Variants in DCDC2C observed in about 807,000 individuals in gnomAD.
The protein encoded by DCDC2C is doublecortin domain-containing protein 2C.
In DCDC2C, 44 loss-of-function variants were observed where a neutral mutation model predicts 45.0. The ratio of observed to expected loss-of-function variants is 0.98; its 90% CI spans 0.77 to 1.26. The LOEUF (loss-of-function observed/expected upper bound fraction) is 1.26. Ranked by LOEUF, DCDC2C falls within the 50% of genes most tolerant of loss-of-function variation. The pLI, the probability that DCDC2C is intolerant of heterozygous loss-of-function variation, is 0.00. For missense variants in DCDC2C, 447 were observed against 468.9 expected, an observed-to-expected ratio of 0.95 and a Z score of 0.43; for synonymous variants, 187 against 178.8, an observed-to-expected ratio of 1.05 and a Z score of -0.37.
chr2:3,812,731 C>T (rs952435693), intron 10 of DCDC2C, among the ~76,000 whole-genome samples: 5 of 152,020 alleles, frequency 3.3e-5, no homozygotes, highest in African/African-American at 1.2e-4. Flanking sequence ...TATAAATTTC[C>T]CTCTTAACAC....
rs181265599 is a variant in DCDC2C at position 3,723,755 on chromosome 2, C to T, written c.340-3248C>T. 1.8e-3 allele frequency among the ~76,000 whole-genome samples: 276 copies of T among 152,176 alleles called. 1 individual carries two copies. The highest frequency in any genetic ancestry group is 2.9e-3 in the Non-Finnish European group (195 of 68,012). On this transcript the variant is annotated intron_variant, in intron 2 of 10. Coordinates refer to ENST00000399143, the MANE Select transcript of DCDC2C (RefSeq NM_001287444.2). ...TGGTGTGGCTTTGAAGTGGAGCTGA[C>T]GGATGCGCAGATGGCATAAAGGATG...
chr2:3,790,962 G>C (rs1018943518), intron 10 of DCDC2C, among the ~76,000 whole-genome samples: 1 of 152,002 alleles, frequency 6.6e-6, no homozygotes, highest in African/African-American at 2.4e-5. Flanking sequence ...TAAAAAAAAT[G>C]AGCCAGGCGT....
rs1019071844 is a variant in DCDC2C, at chr2:3,845,718, T to G, written c.1066-1436T>G. Among the ~76,000 whole-genome samples the G allele has an allele frequency of 4.6e-5, 7 of 152,350 alleles. No individual in the cohort carries two copies. In the South Asian group the frequency reaches 1.0e-3, roughly 23 times the overall value. On this transcript the variant is annotated intron_variant, in intron 10 of 10. Coordinates refer to ENST00000399143, the MANE Select transcript of DCDC2C (RefSeq NM_001287444.2). ...ATGTCTTAGTGCAGGAAAAAGAACT[T>G]TGAAACTGCATTTCTAATTACTTTC...
At chr2:3,816,047 G>T (rs1671551469) in intron 10 of DCDC2C, among the ~76,000 whole-genome samples, 1 of 152,166 alleles carries the variant, frequency 6.6e-6, no homozygotes, top group African/African-American at 2.4e-5. Context: ...TCTCAGGGCT[G>T]CTTCTAGTGG....
intron 5 of DCDC2C, among the ~76,000 whole-genome samples, chr2:3,753,752 C>G (rs946897992): frequency 1.3e-5 from 2 of 152,102 alleles, no homozygotes; most frequent in Non-Finnish European, 2.9e-5. Flanking sequence ...GAGGGCGCAG[C>G]GTCCGGGATG....
intron 10 of DCDC2C, among the ~76,000 whole-genome samples, chr2:3,810,553 G>A (rs1671369886): frequency 6.6e-6 from 1 of 152,070 alleles, no homozygotes. Flanking sequence ...ACTCTGATGA[G>A]TATTTCTTTT....
chr2:3,719,802 A>G (rs1285463464), intron 2 of DCDC2C, among the ~76,000 whole-genome samples: 1 of 152,244 alleles, frequency 6.6e-6, no homozygotes, highest in Non-Finnish European at 1.5e-5. Flanking sequence ...TATAGACAGT[A>G]GTGGATGCTG....
Position 3,825,850 on chromosome 2 carries a change from G to C in DCDC2C, c.1066-21304G>C, listed in dbSNP as rs184575141. On this transcript the variant is annotated intron_variant, in intron 10 of 10. Coordinates refer to ENST00000399143, the MANE Select transcript of DCDC2C (RefSeq NM_001287444.2). The stretch of plus-strand genomic sequence containing the variant: ...TCTCGTGTCTTGGCAAATCATCGTT[G>C]AGTGCATTCACATCTTCAGTGGACT... Among the ~76,000 whole-genome samples the C allele has an allele frequency of 2.0e-5, 3 of 152,310 alleles. No homozygotes were observed. The East Asian group carries it at 5.8e-4, about 29-fold the overall frequency.
At chr2:3,709,448 A>C (rs1668151070) in intron 2 of DCDC2C, among the ~76,000 whole-genome samples, 2 of 152,252 alleles carry the variant, frequency 1.3e-5, no homozygotes, top group South Asian at 4.1e-4. Context: ...AGGACACGCC[A>C]GCAGCCCCAG....
At chr2:3,722,045 C>T (rs1457180929) in intron 2 of DCDC2C, among the ~76,000 whole-genome samples, 1 of 152,232 alleles carries the variant, frequency 6.6e-6, no homozygotes, top group East Asian at 1.9e-4. Flanking sequence ...TTGCTAAGCA[C>T]TTGACAATGT....
chr2:3,712,757 G>A (rs1352754508), intron 2 of DCDC2C, among the ~76,000 whole-genome samples: 3 of 152,144 alleles, frequency 2.0e-5, no homozygotes, highest in Admixed American at 6.5e-5. Context: ...CCATGCTGCC[G>A]ATTTTCTATG....
chr2:3,813,061 ATATATATTTTT>A (rs1671451591), intron 10 of DCDC2C, among the ~76,000 whole-genome samples: 1 of 28,700 alleles, frequency 3.5e-5, no homozygotes, highest in African/African-American at 1.9e-4. Flanking sequence ...ATATATATAT[ATATATATTTTT>A]TTTTTTTTGC....
intron 10 of DCDC2C, chr2:3,788,610 A>G (rs1188156813): frequency 6.6e-6 from 1 of 152,272 alleles, no homozygotes; most frequent in East Asian, 1.9e-4. Flanking sequence ...GATTTTTAGT[A>G]TTTGTAGTCA....
intron 8 of DCDC2C, among the ~76,000 whole-genome samples, chr2:3,772,900 T>C (rs1008688303): frequency 6.6e-6 from 1 of 152,208 alleles, no homozygotes; most frequent in Non-Finnish European, 1.5e-5. Flanking sequence ...CTCATTCTTG[T>C]AGCACAAACT....
At chr2:3,709,967 C>G (rs1337551350) in intron 2 of DCDC2C, among the ~76,000 whole-genome samples, 1 of 152,178 alleles carries the variant, frequency 6.6e-6, no homozygotes, top group African/African-American at 2.4e-5. Flanking sequence ...TGGCCTTGTC[C>G]TCCTAGGGCA....
chr2:3,713,401 G>A (rs1668270926), intron 2 of DCDC2C, among the ~76,000 whole-genome samples: 2 of 152,168 alleles, frequency 1.3e-5, no homozygotes, highest in East Asian at 1.9e-4. Context: ...GGCTGGGGGA[G>A]CTTCCATAGG....
Position 3,785,115 on chromosome 2 carries a change from C to A in DCDC2C, c.1065+15C>A. 1 of 1,231,644 alleles carries A rather than the reference C, an allele frequency of 8.1e-7. No homozygotes were observed. Among genetic ancestry groups the A allele is most frequent in the Non-Finnish European group, 1.0e-6 (1 of 987,902 alleles). The allele number at this position is 1,231,644 out of a possible 1,614,324, so 76.3% of individuals were successfully genotyped here. On this transcript the variant is annotated intron_variant, in intron 10 of 10. Coordinates refer to ENST00000399143, the MANE Select transcript of DCDC2C (RefSeq NM_001287444.2). Reference sequence around the variant, plus strand: ...TTGAAAGAAAGGTTTGTATCAACAACAAATGCTGTAGTTTTGCGTTTTCTA... The same window carrying A: ...TTGAAAGAAAGGTTTGTATCAACAAAAAATGCTGTAGTTTTGCGTTTTCTA...
intron 9 of DCDC2C, among the ~76,000 whole-genome samples, chr2:3,782,225 G>A (rs932573919): frequency 1.3e-5 from 2 of 152,102 alleles, no homozygotes; most frequent in Non-Finnish European, 2.9e-5. Flanking sequence ...ATTATGATGG[G>A]ATCCTCCTCA....
intron 1 of DCDC2C, among the ~76,000 whole-genome samples, chr2:3,704,662 T>G (rs1271574390): frequency 8.3e-5 from 1 of 12,082 alleles, no homozygotes. Context: ...GGGGGAGGGG[T>G]GTGGAGAGGG....
Sources: gnomAD v4.1 joint callset for allele counts (sites outside exome capture counted in the v4.1 genomes callset) on GRCh38, gnomAD v4.1.1 for gene constraint, MANE v1.5 for transcripts, NCBI Gene and HGNC (gene_info 2026-07-23, HGNC 2026-07-21) for gene names.